Variants in TRPM5 observed in about 807,000 individuals in gnomAD.
TRPM5 encodes MLSN1 and TRP-related.
Under a neutral mutation model 124.9 loss-of-function variants are expected in TRPM5, and 121 were observed. The observed-to-expected ratio is 0.97, with a 90% CI of 0.84 to 1.13. The LOEUF is 1.13. Ranked by LOEUF, TRPM5 falls within the 50% of genes most tolerant of loss-of-function variation. TRPM5 has a pLI of 0.00. For missense variants in TRPM5, 1,643 were observed against 1,589.1 expected, an observed-to-expected ratio of 1.03 and a Z score of -0.58; for synonymous variants, 781 against 700.5, an observed-to-expected ratio of 1.11 and a Z score of -1.81.
At chr11:2,424,469 CAGATGTATTA>C (rs1011994836), upstream of TRPM5, among the ~76,000 whole-genome samples, 1 of 152,236 alleles carries the variant, frequency 6.6e-6, no homozygotes, top group African/African-American at 2.4e-5. Context: ...AGGCCCTTTG[CAGATGTATTA>C]AGATGTAAGT....
chr11:2,411,680 G>A (rs1295114495), exon 17 of TRPM5: 8 of 1,612,770 alleles, frequency 5.0e-6, no homozygotes, highest in East Asian at 2.2e-5. Context: ...GCTTGTGTAT[G>A]GCAAAGATAT....
chr11:2,438,288 ATGT>A, the TRPM5 span, among the ~76,000 whole-genome samples: 1 of 152,178 alleles, frequency 6.6e-6, no homozygotes, highest in African/African-American at 2.4e-5. This position sits in a 1 kb window ranked among gnomAD's most constrained non-coding sequence, Gnocchi z 5.9. Context: ...TAAGACAAGG[ATGT>A]ACACTCTCAC....
upstream of TRPM5, among the ~76,000 whole-genome samples, chr11:2,426,345 G>A (rs896485085): frequency 2.6e-5 from 4 of 152,192 alleles, no homozygotes; most frequent in African/African-American, 9.7e-5. Context: ...ATTTGGCCAG[G>A]TGCTAGGCAC....
chr11:2,430,660 TGTTGA>T, the TRPM5 span, among the ~76,000 whole-genome samples: 3 of 151,630 alleles, frequency 2.0e-5, no homozygotes, highest in Non-Finnish European at 4.4e-5. Context: ...ATGGTGACAG[TGTTGA>T]TGGTGGTGGT....
At chr11:2,434,226 C>T in the TRPM5 span, among the ~76,000 whole-genome samples, 1 of 149,766 alleles carries the variant, frequency 6.7e-6, no homozygotes, top group Non-Finnish European at 1.5e-5. Context: ...TGTGTGGACG[C>T]TGTGAGTGCA....
chr11:2,412,885 A>G (rs767943643), exon 15 of TRPM5: 5 of 1,597,842 alleles, frequency 3.1e-6, no homozygotes, highest in Non-Finnish European at 3.4e-6. Context: ...AAGGCGAAGT[A>G]CATGACCACG....
chr11:2,404,796 G>A (rs1353963115), exon 24 of TRPM5: 3 of 646,202 alleles, frequency 4.6e-6, no homozygotes, highest in South Asian at 1.9e-5. Flanking sequence ...AGGGTCTGTG[G>A]TGAGGCACCA....
At chr11:2,443,509 A>T in the TRPM5 span, among the ~76,000 whole-genome samples, 1 of 152,164 alleles carries the variant, frequency 6.6e-6, no homozygotes, top group African/African-American at 2.4e-5. The surrounding 1 kb of genome is among the most constrained non-coding windows in gnomAD (Gnocchi z 5.0). Flanking sequence ...GCCCAGCACA[A>T]GCTGGGACCC....
chr11:2,429,560 A>G, the TRPM5 span, among the ~76,000 whole-genome samples: 1 of 150,988 alleles, frequency 6.6e-6, no homozygotes, highest in African/African-American at 2.4e-5. This position sits in a 1 kb window ranked among gnomAD's most constrained non-coding sequence, Gnocchi z 8.4. Flanking sequence ...GGTGATAATG[A>G]TCCTGGTGGT....
the TRPM5 span, among the ~76,000 whole-genome samples, chr11:2,430,782 TTGATGGTGGTGGTGGTTTTGGTGGCGG>T: frequency 1.0e-4 from 11 of 106,436 alleles, no homozygotes; most frequent in African/African-American, 4.2e-4. Flanking sequence ...GATGGTGGTG[TTGATGGTGGTGGTGGTTTTGGTGGCGG>T]TGATGGTGAT....
rs572306011 is a variant in TRPM5, at chr11:2,411,627, G to T, written c.2607+8C>A. On this transcript the variant is annotated splice_region_variant and intron_variant, in intron 17 of 23. Coordinates refer to ENST00000155858, the Ensembl canonical transcript of TRPM5. ...CCAGGGCCAGGGCCAGGGCCCCCGG[G>T]GGCTCACCATGCGCTCTACCACGAT... The T allele has an allele frequency of 6.2e-7, 1 of 1,611,714 alleles. No individual in the cohort carries two copies.
At chr11:2,407,288 C>G in exon 20 of TRPM5, 1 of 1,610,346 alleles carries the variant, frequency 6.2e-7, no homozygotes, top group Non-Finnish European at 8.5e-7. Flanking sequence ...CCTGCACCAC[C>G]TGGAACGTGT....
chr11:2,408,423 A>G (rs800344), intron 18 of TRPM5, among the ~76,000 whole-genome samples: 132,141 of 152,280 alleles, frequency 0.87, 57,854 homozygotes, highest in Non-Finnish European at 0.93. Context: ...CCAAGCTGGC[A>G]AGTAATTCCG....
chr11:2,422,300 C>T, exon 2 of TRPM5: 1 of 1,611,570 alleles, frequency 6.2e-7, no homozygotes, highest in Non-Finnish European at 8.5e-7. Flanking sequence ...GACGGGGCCA[C>T]TCCGCTCGGC....
chr11:2,412,981 G>T (rs1156664508), exon 15 of TRPM5: 4 of 1,606,240 alleles, frequency 2.5e-6, no homozygotes, highest in East Asian at 2.2e-5. Flanking sequence ...CGGTCACCCT[G>T]AGCCCTCGGC....
chr11:2,406,184 CGA>C, intron 21 of TRPM5, 93 bp from the exon 27 acceptor site: 2 of 1,436,468 alleles, frequency 1.4e-6, no homozygotes, highest in Non-Finnish European at 1.9e-6. Flanking sequence ...CCTGTGTGCC[CGA>C]GTTTGGGGTG....
At chr11:2,421,033 T>C (rs764724661) in exon 3 of TRPM5, 93 of 1,539,506 alleles carry the variant, frequency 6.0e-5, no homozygotes, top group Non-Finnish European at 7.6e-5. Flanking sequence ...GACGTGCACC[T>C]GGGCCTCCTC....
exon 20 of TRPM5, chr11:2,407,273 G>A (rs770430536): frequency 1.2e-5 from 19 of 1,611,720 alleles, no homozygotes; most frequent in Middle Eastern, 3.3e-4. Flanking sequence ...ACATGTCTGC[G>A]TTGCCCTGCA....
At chr11:2,407,153 G>A in exon 20 of TRPM5, 1 of 1,609,550 alleles carries the variant, frequency 6.2e-7, no homozygotes, top group African/African-American at 1.3e-5. Context: ...CCTCCTTCTT[G>A]AAGACCCGGC....
Sources: gnomAD v4.1 joint callset for allele counts (sites outside exome capture counted in the v4.1 genomes callset) on GRCh38, gnomAD v4.1.1 for gene constraint, Gnocchi (gnomAD v3.1) non-coding constraint, MANE v1.5 for transcripts, NCBI Gene and HGNC (gene_info 2026-07-23, HGNC 2026-07-21) for gene names.